EMC3: variants seen among roughly 807,000 people sequenced by gnomAD.
EMC3 encodes the protein ER membrane protein complex subunit 3.
Under a neutral mutation model 36.6 loss-of-function variants are expected in EMC3, and 13 were observed. The observed-to-expected ratio is 0.35, with a 90% CI of 0.23 to 0.56. The LOEUF (loss-of-function observed/expected upper bound fraction) is 0.56, where lower values mean the gene tolerates loss of function less well. Among genes scored for constraint, EMC3 ranks in the 20% least tolerant of loss-of-function variants. EMC3 has a pLI of 0.84. For synonymous variants in EMC3, 120 were observed against 111.9 expected, an observed-to-expected ratio of 1.07 and a Z score of -0.46; for missense variants, 220 against 324.5, an observed-to-expected ratio of 0.68 and a Z score of 2.47.
At chr3:9,964,742 T>C (rs1342968093) in intron 7 of EMC3, among the ~76,000 whole-genome samples, 1 of 152,190 alleles carries the variant, frequency 6.6e-6, no homozygotes, top group Admixed American at 6.5e-5. Flanking sequence ...TCATTACAGT[T>C]TGTGGGAGTC....
intron 1 of EMC3, among the ~76,000 whole-genome samples, chr3:10,001,316 C>G (rs1042492520): frequency 6.6e-6 from 1 of 150,504 alleles, no homozygotes; most frequent in African/African-American, 2.5e-5. Context: ...ATTCCCAGCA[C>G]TTTGGGGGGC....
At chr3:10,010,537 C>T (rs535052865) in intron 1 of EMC3, 2 of 152,732 alleles carry the variant, frequency 1.3e-5, no homozygotes, top group South Asian at 4.1e-4. Context: ...ATCACTTTTC[C>T]TGGTGTTTCC....
chr3:9,994,174 CT>C, intron 1 of EMC3: 2 of 1,585,114 alleles, frequency 1.3e-6, no homozygotes, highest in Admixed American at 1.7e-5. Flanking sequence ...TCTCTCTACT[CT>C]TCCCCACTCA....
chr3:9,998,143 G>T (rs2086150409), intron 1 of EMC3, among the ~76,000 whole-genome samples: 1 of 151,868 alleles, frequency 6.6e-6, no homozygotes, highest in Non-Finnish European at 1.5e-5. Context: ...GAGGCGGGCA[G>T]ATCACGAGGT....
chr3:9,964,107 C>T lies in EMC3; in HGVS notation c.748G>A (p.Gly250Ser). The change falls in exon 8 of 8, where the codon GGC becomes AGC. Residue 250 changes from glycine to serine, a missense_variant. Gly to Ser is a moderately conservative substitution (Grantham distance 56). Transcript: ENST00000245046. ...GTCTGTAATTCCTTTTTGAACATGC[C>T]TTCGAAGTGGAGGTCTTTGGCCATG... ...ELMAKDLHFE[G>S]MFKKELQTSI... The T allele has an allele frequency of 4.3e-6, 7 of 1,614,154 alleles. No individual in the cohort carries two copies. The highest frequency in any genetic ancestry group is 5.9e-6 in the Non-Finnish European group (7 of 1,180,038).
chr3:9,983,237 C>G (rs1049353690), intron 1 of EMC3, among the ~76,000 whole-genome samples: 7 of 151,832 alleles, frequency 4.6e-5, no homozygotes, highest in Middle Eastern at 3.4e-3. Context: ...AACCTCTACT[C>G]CTTAGGTTCA....
At chr3:10,001,705 AT>A (rs1465633894) in intron 1 of EMC3, among the ~76,000 whole-genome samples, 1 of 152,094 alleles carries the variant, frequency 6.6e-6, no homozygotes, top group Non-Finnish European at 1.5e-5. Context: ...TTGTATTAGT[AT>A]TGAAATCAGG....
At chr3:10,007,587 G>T in intron 1 of EMC3, 1 of 1,367,598 alleles carries the variant, frequency 7.3e-7, no homozygotes, top group African/African-American at 1.5e-5. Flanking sequence ...CATCCTGGGT[G>T]TCAGGGGAGG....
chr3:9,988,409 A>T, upstream of EMC3: 1 of 1,336,104 alleles, frequency 7.5e-7, no homozygotes, highest in Non-Finnish European at 1.1e-6. Context: ...TCAGAACCGT[A>T]TTATTCTCTT....
At chr3:9,987,863 T>C (rs2085996483), upstream of EMC3, 1 of 735,154 alleles carries the variant, frequency 1.4e-6, no homozygotes, top group African/African-American at 1.7e-5. Context: ...ACCTACCCAC[T>C]ATGAATGAGC....
chr3:9,969,944 T>C (rs930987782), intron 6 of EMC3, 143 bp from the exon 7 acceptor site: 75 of 1,360,040 alleles, frequency 5.5e-5, no homozygotes, highest in Non-Finnish European at 6.6e-5. Flanking sequence ...TATGTGACTC[T>C]AGGAAAGTCA....
chr3:9,977,299 A>T, intron 2 of EMC3, 90 bp downstream of exon 2: 1 of 1,264,350 alleles, frequency 7.9e-7, no homozygotes, highest in Non-Finnish European at 1.1e-6. Context: ...GCCAACCTTT[A>T]GCTTTCCCCA....
At chr3:9,992,368 T>A (rs370145987) in intron 1 of EMC3, among the ~76,000 whole-genome samples, 3 of 152,194 alleles carry the variant, frequency 2.0e-5, no homozygotes, top group African/African-American at 7.2e-5. Context: ...TCAGGTGATA[T>A]GTGTACCTCA....
chr3:10,008,049 C>G (rs1467250846), intron 1 of EMC3, among the ~76,000 whole-genome samples: 2 of 152,146 alleles, frequency 1.3e-5, no homozygotes, highest in African/African-American at 4.8e-5. Flanking sequence ...CCTCAGGTGT[C>G]AATACTGGAT....
chr3:9,987,485 A>C (rs2085991324), upstream of EMC3, among the ~76,000 whole-genome samples: 1 of 151,980 alleles, frequency 6.6e-6, no homozygotes, highest in Admixed American at 6.6e-5. Context: ...TTCCCGATGA[A>C]CTAGTCCAGG....
intron 3 of EMC3, 105 bp from the exon 4 acceptor site, chr3:9,974,593 C>T: frequency 1.4e-6 from 1 of 722,742 alleles, no homozygotes; most frequent in African/African-American, 1.8e-5. Context: ...GAGTCCCGCT[C>T]TGTCGCCCAG....
chr3:9,986,136 T>A (rs1160781358), intron 1 of EMC3, among the ~76,000 whole-genome samples: 4 of 152,138 alleles, frequency 2.6e-5, no homozygotes, highest in Non-Finnish European at 5.9e-5. Context: ...TTACAAAGAC[T>A]AAACGCTGTA....
upstream of EMC3, chr3:9,987,429 G>T: frequency 2.6e-6 from 1 of 383,874 alleles, no homozygotes; most frequent in Non-Finnish European, 3.6e-6. Context: ...GTACCTTTCT[G>T]CGTCGTTAAA....
chr3:9,986,253 A>C (rs1316397679), intron 1 of EMC3, among the ~76,000 whole-genome samples: 1 of 152,144 alleles, frequency 6.6e-6, no homozygotes, highest in African/African-American at 2.4e-5. Flanking sequence ...TGTTTTTTTC[A>C]ACACTCAATA....
Sources: gnomAD v4.1 joint callset for allele counts (sites outside exome capture counted in the v4.1 genomes callset) on GRCh38, gnomAD v4.1.1 for gene constraint, MANE v1.5 for transcripts, NCBI Gene and HGNC (gene_info 2026-07-23, HGNC 2026-07-21) for gene names.